The following GOT2 variants were observed in gnomAD, a reference collection of about 807,000 sequenced individuals.
GOT2 encodes the protein glutamic-oxaloacetic transaminase 2.
Under a neutral mutation model 50.0 loss-of-function variants are expected in GOT2, and 17 were observed. The ratio of observed to expected loss-of-function variants is 0.34; its 90% CI spans 0.23 to 0.51. GOT2 has a LOEUF of 0.51. GOT2 is among the 20% of genes least tolerant of loss of function. GOT2 has a pLI of 0.97. For missense variants in GOT2, 430 were observed against 559.6 expected (o/e 0.77, Z 2.34); for synonymous variants, 172 against 204.9 (o/e 0.84, Z 1.37).
intron 3 of GOT2, 47 bp downstream of exon 3, chr16:58,722,103 A>C (rs1046547051): frequency 2.5e-6 from 4 of 1,597,944 alleles, no homozygotes; most frequent in Non-Finnish European, 3.4e-6. Context: ...ATAATTACAA[A>C]TTTGTTAAAA....
At chr16:58,731,244 G>C (rs764561808) in intron 1 of GOT2, among the ~76,000 whole-genome samples, 1 of 151,896 alleles carries the variant, frequency 6.6e-6, no homozygotes, top group African/African-American at 2.4e-5. Flanking sequence ...GATCAGGCTC[G>C]AGCGACCCTC....
rs2044746403 is a variant in GOT2, at chr16:58,722,203, C to T, written c.322G>A (p.Ala108Thr). ...TCACCCAGGGCTAGTTCTGCAGATGCCTTGCAAAATTCAGCCAGTCCCCCA... is the reference window on the plus strand; with the variant it reads ...TCACCCAGGGCTAGTTCTGCAGATGTCTTGCAAAATTCAGCCAGTCCCCCA... The part of the protein sequence containing the change: ...PIGGLAEFCK[A>T]SAELALGENS... The change falls in exon 3 of 10, where the codon GCA becomes ACA. Residue 108 changes from alanine (A) to threonine (T), a missense_variant. By Grantham distance (58) the Ala-to-Thr change is moderately conservative. Coordinates refer to ENST00000245206, the MANE Select transcript of GOT2 (RefSeq NM_002080.4). 1 of 1,612,580 alleles carries T rather than the reference C, an allele frequency of 6.2e-7. No homozygotes were observed. The highest frequency in any genetic ancestry group is 1.3e-5 in the African/African-American group (1 of 74,998).
At position 58,734,258 on chromosome 16, in the gene GOT2, G is replaced by T; in HGVS notation, c.-30C>A. On this transcript the variant is annotated 5_prime_UTR_variant, in exon 1 of 10. Coordinates refer to ENST00000245206, the MANE Select transcript of GOT2 (RefSeq NM_002080.4). ...GACCGTAGGAGGGCAGTGGGCAGCC[G>T]CAGGACGGAGCAGAGGGCGAGCGGA... 1 of 1,179,744 alleles carries T rather than the reference G, an allele frequency of 8.5e-7. No homozygotes were observed. The highest frequency in any genetic ancestry group is 1.1e-6 in the Non-Finnish European group (1 of 912,108). 73.1% of individuals were successfully genotyped at this position (1,179,744 alleles called of 1,614,324 possible). A position where few individuals can be genotyped will look rare whatever the true frequency, so the allele number is the denominator to read the frequency against.
chr16:58,729,252 C>A (rs1360636179), intron 1 of GOT2, among the ~76,000 whole-genome samples: 1 of 79,156 alleles, frequency 1.3e-5, no homozygotes, highest in Admixed American at 1.3e-4. Context: ...TGAAAACATG[C>A]AGCCACCTGT....
intron 8 of GOT2, among the ~76,000 whole-genome samples, chr16:58,712,672 T>TA (rs1567485530): frequency 6.6e-6 from 1 of 152,074 alleles, no homozygotes; most frequent in Non-Finnish European, 1.5e-5. Flanking sequence ...ATGCATGCAT[T>TA]AAAAAAAATC....
At chr16:58,727,546 A>G (rs171786) in intron 1 of GOT2, among the ~76,000 whole-genome samples, 2 of 151,888 alleles carry the variant, frequency 1.3e-5, no homozygotes, top group Non-Finnish European at 2.9e-5. Flanking sequence ...CCTGACTAGT[A>G]CACTGTGGTG....
At chr16:58,725,330 G>A (rs931581132) in intron 1 of GOT2, among the ~76,000 whole-genome samples, 3 of 152,038 alleles carry the variant, frequency 2.0e-5, no homozygotes, top group African/African-American at 7.2e-5. Flanking sequence ...GGCCAGGCTG[G>A]TCTTGAACTC....
chr16:58,728,029 C>T (rs1003014079), intron 1 of GOT2, among the ~76,000 whole-genome samples: 3 of 152,156 alleles, frequency 2.0e-5, no homozygotes, highest in Non-Finnish European at 4.4e-5. Flanking sequence ...TCATACACCT[C>T]ACTCCTCCAT....
intron 4 of GOT2, 130 bp downstream of exon 4, chr16:58,719,066 A>C (rs530973746): frequency 2.1e-5 from 15 of 700,244 alleles, no homozygotes; most frequent in Non-Finnish European, 3.8e-5. Flanking sequence ...TTTTTTCATG[A>C]GAATAGGACA....
intron 8 of GOT2, among the ~76,000 whole-genome samples, chr16:58,710,104 C>T (rs933110301): frequency 1.2e-4 from 19 of 152,130 alleles, no homozygotes; most frequent in East Asian, 5.8e-4. Flanking sequence ...TGCCATGTTG[C>T]GCGGTTTGGT....
intron 1 of GOT2, 185 bp downstream of exon 1, chr16:58,733,955 G>A: frequency 2.5e-6 from 1 of 400,128 alleles, no homozygotes; most frequent in Non-Finnish European, 4.4e-6. Context: ...ATCACTGTGG[G>A]GCACGGACGC....
intron 1 of GOT2, among the ~76,000 whole-genome samples, chr16:58,727,806 T>C (rs140112366): frequency 9.4e-4 from 143 of 152,152 alleles, no homozygotes; most frequent in African/African-American, 3.4e-3. Flanking sequence ...GAATTAAGAA[T>C]AAAGGCTCAC....
chr16:58,719,278 C>T, intron 3 of GOT2, 23 bp from the exon 4 acceptor site: 7 of 1,572,602 alleles, frequency 4.5e-6, no homozygotes, highest in Non-Finnish European at 4.4e-6. Context: ...TACCCACGGT[C>T]AGTGATGTGC....
At position 58,725,380 on chromosome 16, in the gene GOT2, G is replaced by A. The variant is rs2044775467; in HGVS notation, c.90-1478C>T. On this transcript the variant is annotated intron_variant, in intron 1 of 9. Transcript: ENST00000245206. Reference sequence around the variant, plus strand: ...TTTGCCCGCCTCAGCTTCCCAAAGTGCTGGGATTACAGGCGTGAGCCACTG... The same window carrying A: ...TTTGCCCGCCTCAGCTTCCCAAAGTACTGGGATTACAGGCGTGAGCCACTG... Among the ~76,000 whole-genome samples, 2 of 152,154 alleles carry A rather than the reference G, an allele frequency of 1.3e-5. 1 individual carries two copies. The highest frequency in any genetic ancestry group is 4.1e-4 in the South Asian group (2 of 4,832).
At chr16:58,717,336 C>T (rs1273405171) in intron 6 of GOT2, among the ~76,000 whole-genome samples, 2 of 151,724 alleles carry the variant, frequency 1.3e-5, no homozygotes, top group African/African-American at 4.8e-5. Context: ...GTGACTGTGC[C>T]ACTGCGTTCT....
In GOT2 at chr16:58,716,667, T is replaced by C. The variant is rs374763381; in HGVS notation, c.849A>G (p.Leu283=). ...ATGCTGGATGCTGTAGCTTACCATA[T>C]AAGCCCATGTTCTTGGCATATGATT... ...LCQSYAKNMG[L]YGERVGAFTM... is the part of the protein sequence containing the mutation. Residue 283 remains leucine, a synonymous_variant, in exon 7 of 10, where the codon TTA becomes TTG. Transcript: ENST00000245206. 2 of 1,613,534 alleles carry C rather than the reference T, an allele frequency of 1.2e-6. No individual in the cohort carries two copies. The highest frequency in any genetic ancestry group is 1.7e-6 in the Non-Finnish European group (2 of 1,179,834).
At chr16:58,709,363 G>A (rs549373311) in intron 9 of GOT2, 54 bp downstream of exon 9, 51 of 1,341,340 alleles carry the variant, frequency 3.8e-5, no homozygotes, top group Admixed American at 6.8e-5. Flanking sequence ...GTAATCCTTC[G>A]GGTTTGCAAA....
At chr16:58,709,630 A>G in intron 8 of GOT2, 63 bp from the exon 9 acceptor site, 4 of 1,458,876 alleles carry the variant, frequency 2.7e-6, no homozygotes, top group Non-Finnish European at 3.8e-6. Context: ...GCTGGAGTTC[A>G]CTGCATTTTT....
At chr16:58,724,937 C>T (rs1427283818) in intron 1 of GOT2, among the ~76,000 whole-genome samples, 1 of 152,160 alleles carries the variant, frequency 6.6e-6, no homozygotes, top group African/African-American at 2.4e-5. Flanking sequence ...TGCTTAGTTG[C>T]ATGTCTCCAT....
Sources: gnomAD v4.1 joint callset for allele counts (sites outside exome capture counted in the v4.1 genomes callset) on GRCh38, gnomAD v4.1.1 for gene constraint, MANE v1.5 for transcripts, NCBI Gene and HGNC (gene_info 2026-07-23, HGNC 2026-07-21) for gene names.